The following OR9Q1 variants were observed in gnomAD, a reference collection of about 807,000 sequenced individuals.
The protein encoded by OR9Q1 is olfactory receptor 9Q1.
For missense variants in OR9Q1, 374 were observed against 378.8 expected (o/e 0.99, Z 0.11); for synonymous variants, 153 against 148.6 (o/e 1.03, Z -0.22).
chr11:58,065,452 A>AT (rs1853420008), intron 2 of OR9Q1, among the ~76,000 whole-genome samples: 1 of 152,100 alleles, frequency 6.6e-6, no homozygotes, highest in Non-Finnish European at 1.5e-5. Context: ...GGGGCAGGTG[A>AT]TGTAGGAGTC....
At chr11:58,145,852 G>A (rs58751000) in intron 2 of OR9Q1, among the ~76,000 whole-genome samples, 4,882 of 152,224 alleles carry the variant, frequency 0.032, 253 homozygotes, top group African/African-American at 0.11. Context: ...TATATAGTAA[G>A]GGGCAGTCAC....
chr11:58,096,076 A>G (rs1045995879), intron 2 of OR9Q1, among the ~76,000 whole-genome samples: 1 of 151,934 alleles, frequency 6.6e-6, no homozygotes, highest in Non-Finnish European at 1.5e-5. Context: ...CTGGAAAGCC[A>G]TGAAATTGTA....
intron 2 of OR9Q1, among the ~76,000 whole-genome samples, chr11:58,120,825 T>TATATATATATAC (rs1404403230): frequency 9.2e-5 from 13 of 141,728 alleles, no homozygotes; most frequent in African/African-American, 3.3e-4. Context: ...TATATATATA[T>TATATATATATAC]ATACATATAT....
chr11:58,096,045 C>T (rs1177256880), intron 2 of OR9Q1, among the ~76,000 whole-genome samples: 5 of 151,834 alleles, frequency 3.3e-5, no homozygotes, highest in Non-Finnish European at 7.4e-5. Context: ...GCCTGGACAA[C>T]ATATGTATTT....
chr11:58,145,998 G>A (rs546407484), intron 2 of OR9Q1, among the ~76,000 whole-genome samples: 2 of 152,264 alleles, frequency 1.3e-5, no homozygotes, highest in African/African-American at 4.8e-5. Flanking sequence ...ATAAAGAAGG[G>A]AAAGGAGGTG....
chr11:58,076,175 A>G (rs1853537356), intron 2 of OR9Q1, among the ~76,000 whole-genome samples: 1 of 152,216 alleles, frequency 6.6e-6, no homozygotes, highest in East Asian at 1.9e-4. Context: ...TTTAGTTTAC[A>G]AGTAATTTTT....
chr11:58,119,112 C>T (rs144479851), intron 2 of OR9Q1: 223 of 1,613,818 alleles, frequency 1.4e-4, no homozygotes, highest in Non-Finnish European at 1.7e-4. Context: ...GCAGAAAGCA[C>T]TCTGTGCCTG....
At chr11:58,045,485 T>G (rs1348624547) in intron 1 of OR9Q1, 1 of 152,206 alleles carries the variant, frequency 6.6e-6, no homozygotes, top group African/African-American at 2.4e-5. Flanking sequence ...CCATCTGTCT[T>G]GGCCTCCAAA....
intron 2 of OR9Q1, among the ~76,000 whole-genome samples, chr11:58,150,497 C>T (rs1425272105): frequency 6.6e-6 from 1 of 152,162 alleles, no homozygotes; most frequent in Non-Finnish European, 1.5e-5. Flanking sequence ...TGTATGTAGT[C>T]ATGCACCACA....
chr11:58,046,536 A>G lies in OR9Q1; in HGVS notation c.-92-9334A>G, dbSNP rs191832645. Among the ~76,000 whole-genome samples, 642 of 152,336 alleles carry G rather than the reference A, an allele frequency of 4.2e-3. 2 individuals are homozygous for G. Among genetic ancestry groups the G allele is most frequent in the Non-Finnish European group, 6.9e-3 (471 of 68,022 alleles). On this transcript the variant is annotated intron_variant, in intron 1 of 2. Coordinates refer to ENST00000335397, the MANE Select transcript of OR9Q1 (RefSeq NM_001005212.4). ...CAAGTTAAAGGAAACTGCAGGAGGC[A>G]TGATGATAGTTGAGATGTAACTGCA... is the stretch of plus-strand genomic sequence containing the variant.
intron 2 of OR9Q1, among the ~76,000 whole-genome samples, chr11:58,058,431 C>T (rs563529876): frequency 3.3e-5 from 5 of 152,294 alleles, no homozygotes; most frequent in South Asian, 4.1e-4. Context: ...CCTGGCTACA[C>T]GGCTGGGCGC....
At chr11:58,084,868 T>C (rs1853620266) in intron 2 of OR9Q1, among the ~76,000 whole-genome samples, 1 of 151,740 alleles carries the variant, frequency 6.6e-6, no homozygotes, top group Admixed American at 6.6e-5. Flanking sequence ...ACCATTCCCC[T>C]TGAGAACTGG....
intron 2 of OR9Q1, among the ~76,000 whole-genome samples, chr11:58,170,521 C>G (rs1854544642): frequency 6.6e-6 from 1 of 152,094 alleles, no homozygotes; most frequent in South Asian, 2.1e-4. Flanking sequence ...ATGATCATTT[C>G]TTTAATGCAT....
intron 2 of OR9Q1, among the ~76,000 whole-genome samples, chr11:58,063,816 C>T (rs1214885870): frequency 6.6e-6 from 1 of 152,192 alleles, no homozygotes; most frequent in African/African-American, 2.4e-5. Flanking sequence ...CATTGCCTCC[C>T]TGCCTAACAG....
At chr11:58,128,509 A>G (rs974122910) in intron 2 of OR9Q1, among the ~76,000 whole-genome samples, 2 of 152,168 alleles carry the variant, frequency 1.3e-5, no homozygotes, top group Non-Finnish European at 2.9e-5. Flanking sequence ...CTGGTTACGT[A>G]TTTGAGAAGT....
rs935192418 is a variant in OR9Q1, at chr11:58,147,192, T to G, written c.-14-32239T>G. Among the ~76,000 whole-genome samples, 3 of 152,294 alleles carry G rather than the reference T, an allele frequency of 2.0e-5. No homozygotes were observed. The South Asian group carries it at 6.2e-4, about 32-fold the overall frequency. ...CATGGCTTTGATGGTGGTTTAGGAC[T>G]GATTCTTGGCAAAGTGGCAAAATTA... On this transcript the variant is annotated intron_variant, in intron 2 of 2. Coordinates refer to ENST00000335397, the MANE Select transcript of OR9Q1 (RefSeq NM_001005212.4).
intron 2 of OR9Q1, among the ~76,000 whole-genome samples, chr11:58,111,626 C>A (rs1853899950): frequency 1.3e-5 from 2 of 152,070 alleles, no homozygotes; most frequent in African/African-American, 2.4e-5. Flanking sequence ...ATGTAGCCAT[C>A]CTACATATTA....
At chr11:58,069,532 TC>T (rs1853466010) in intron 2 of OR9Q1, among the ~76,000 whole-genome samples, 1 of 152,094 alleles carries the variant, frequency 6.6e-6, no homozygotes, top group Non-Finnish European at 1.5e-5. Context: ...GTTTCAGTCC[TC>T]ACTGCATTTG....
chr11:58,081,885 A>G (rs1209400339), intron 2 of OR9Q1, among the ~76,000 whole-genome samples: 5 of 150,574 alleles, frequency 3.3e-5, no homozygotes, highest in Non-Finnish European at 7.4e-5. Flanking sequence ...TTCTTAAGAT[A>G]TTAGTTACAG....
Sources: gnomAD v4.1 joint callset for allele counts (sites outside exome capture counted in the v4.1 genomes callset) on GRCh38, gnomAD v4.1.1 for gene constraint, MANE v1.5 for transcripts, NCBI Gene and HGNC (gene_info 2026-07-23, HGNC 2026-07-21) for gene names.